The following PCDH15 variants were observed in gnomAD, a reference collection of about 807,000 sequenced individuals.
PCDH15 encodes the protein protocadherin related 15.
Under a neutral mutation model 178.5 loss-of-function variants are expected in PCDH15, and 129 were observed. The ratio of observed to expected loss-of-function variants is 0.72; its 90% confidence interval spans 0.63 to 0.84. PCDH15 has a LOEUF of 0.84. Among genes scored for constraint, PCDH15 ranks in the 40% least tolerant of loss-of-function variants. The probability of loss-of-function intolerance (pLI) is 0.00; values close to 1 mark genes in which losing one functional copy is unlikely to be tolerated. For missense variants in PCDH15, 2,230 were observed against 2,099.9 expected, an observed-to-expected ratio of 1.06 and a Z score of -1.21; for synonymous variants, 800 against 732.0, an observed-to-expected ratio of 1.09 and a Z score of -1.50.
intron 8 of PCDH15, among the ~76,000 whole-genome samples, chr10:54,251,452 G>A (rs1184848163): frequency 6.6e-6 from 1 of 152,038 alleles, no homozygotes; most frequent in Non-Finnish European, 1.5e-5. Flanking sequence ...ATTTTTATCT[G>A]GCTCTCTGAT....
intron 2 of PCDH15, among the ~76,000 whole-genome samples, chr10:55,626,228 T>C (rs1346414278): frequency 3.3e-5 from 5 of 152,116 alleles, no homozygotes; most frequent in African/African-American, 9.7e-5. Flanking sequence ...GCAGTTCAAG[T>C]TCCAGATTCC....
At chr10:54,964,520 C>T (rs1384173838) in intron 2 of PCDH15, among the ~76,000 whole-genome samples, 2 of 152,170 alleles carry the variant, frequency 1.3e-5, no homozygotes, top group African/African-American at 2.4e-5. Flanking sequence ...GTGCTCATTA[C>T]TGGAGTACAT....
chr10:53,875,850 T>C (rs1272284685), intron 26 of PCDH15, among the ~76,000 whole-genome samples: 1 of 152,166 alleles, frequency 6.6e-6, no homozygotes, highest in Non-Finnish European at 1.5e-5. Context: ...AATTTTCTAA[T>C]AGCCTAAATA....
rs189678076 is a variant in PCDH15 at position 54,358,526 on chromosome 10, G to T, written c.474+10594C>A. ...TCAGGGAACAACAAATGCTGGAGAG[G>T]ATGTGGAGAAATAGGAACACTTTTA... On this transcript the variant is annotated intron_variant, in intron 5 of 37. Coordinates refer to ENST00000644397, the MANE Select transcript of PCDH15 (RefSeq NM_001384140.1). 9.9e-4 allele frequency among the ~76,000 whole-genome samples: 150 copies of T among 152,250 alleles called. 2 individuals carry two copies. The East Asian group carries it at 0.021, about 21-fold the overall frequency.
intron 1 of PCDH15, among the ~76,000 whole-genome samples, chr10:54,673,701 G>A (rs533482700): frequency 6.6e-6 from 1 of 152,256 alleles, no homozygotes; most frequent in South Asian, 2.1e-4. Flanking sequence ...GCCTCCCAAA[G>A]TGCTAGGATT....
chr10:54,422,129 C>T (rs1163190224), intron 3 of PCDH15, among the ~76,000 whole-genome samples: 5 of 151,190 alleles, frequency 3.3e-5, no homozygotes, highest in Admixed American at 6.6e-5. Context: ...TGAGATTTGC[C>T]GAGGTCATTT....
intron 37 of PCDH15, among the ~76,000 whole-genome samples, chr10:53,807,810 AGC>A (rs1841298903): frequency 2.0e-5 from 3 of 152,132 alleles, no homozygotes; most frequent in Non-Finnish European, 4.4e-5. Context: ...CAAAACTGAA[AGC>A]TAATTATTAT....
intron 2 of PCDH15, among the ~76,000 whole-genome samples, chr10:55,012,384 A>C (rs2131944431): frequency 6.6e-6 from 1 of 152,228 alleles, no homozygotes; most frequent in East Asian, 1.9e-4. Context: ...AAAATGATAA[A>C]GATCTGTTTT....
At chr10:54,986,173 G>C (rs1839358375) in intron 2 of PCDH15, among the ~76,000 whole-genome samples, 1 of 152,044 alleles carries the variant, frequency 6.6e-6, no homozygotes, top group Admixed American at 6.6e-5. Flanking sequence ...CCTAGCTAAA[G>C]AAGGGCATCA....
intron 14 of PCDH15, among the ~76,000 whole-genome samples, chr10:54,144,972 A>G (rs2043768426): frequency 6.6e-6 from 1 of 152,164 alleles, no homozygotes; most frequent in Non-Finnish European, 1.5e-5. Flanking sequence ...ATGTGTGAAT[A>G]TAAAACATTT....
chr10:55,168,905 A>T, intron 1 of PCDH15, among the ~76,000 whole-genome samples: 1 of 152,284 alleles, frequency 6.6e-6, no homozygotes, highest in Admixed American at 6.5e-5. Context: ...GTTATAAATT[A>T]GATCTTAAAT....
intron 2 of PCDH15, among the ~76,000 whole-genome samples, chr10:54,597,103 A>T (rs988719662): frequency 9.9e-5 from 15 of 152,264 alleles, no homozygotes; most frequent in African/African-American, 3.4e-4. Context: ...TTGAGCTGTG[A>T]AACAGCTACA....
At chr10:55,512,626 T>C (rs1298689057) in intron 2 of PCDH15, among the ~76,000 whole-genome samples, 1 of 152,052 alleles carries the variant, frequency 6.6e-6, no homozygotes, top group Non-Finnish European at 1.5e-5. Context: ...TTAAGAACCT[T>C]GGCACCTTTT....
intron 2 of PCDH15, among the ~76,000 whole-genome samples, chr10:54,935,095 G>C (rs975007178): frequency 2.7e-5 from 4 of 149,696 alleles, no homozygotes; most frequent in Non-Finnish European, 1.5e-5. Flanking sequence ...TGTGGGGAGG[G>C]GGGAGGGATA....
chr10:55,184,960 T>C (rs1432598132), intron 1 of PCDH15, among the ~76,000 whole-genome samples: 2 of 151,852 alleles, frequency 1.3e-5, no homozygotes, highest in Admixed American at 6.6e-5. Context: ...AAAGTAAACA[T>C]TTTAGAAGTT....
At chr10:54,112,649 G>A (rs1045363281) in intron 15 of PCDH15, among the ~76,000 whole-genome samples, 6 of 152,118 alleles carry the variant, frequency 3.9e-5, no homozygotes, top group Admixed American at 3.9e-4. Context: ...TTTTCAGGCA[G>A]GTGGAGACAT....
At chr10:54,413,796 CTTTCTG>C (rs1192390909) in intron 3 of PCDH15, among the ~76,000 whole-genome samples, 1 of 152,046 alleles carries the variant, frequency 6.6e-6, no homozygotes, top group East Asian at 1.9e-4. Flanking sequence ...CGGTATTAGA[CTTTCTG>C]TTTCTGAGTT....
intron 3 of PCDH15, among the ~76,000 whole-genome samples, chr10:54,891,841 G>T (rs1235317739): frequency 2.0e-5 from 3 of 152,042 alleles, no homozygotes; most frequent in Non-Finnish European, 4.4e-5. Flanking sequence ...CAGCCAGCAG[G>T]ATTCAAATTC....
At chr10:54,706,205 A>G (rs549566592) in intron 1 of PCDH15, among the ~76,000 whole-genome samples, 15 of 152,356 alleles carry the variant, frequency 9.8e-5, no homozygotes, top group African/African-American at 3.4e-4. Flanking sequence ...TTTTCATGAT[A>G]GTATGGCTGA....
Sources: gnomAD v4.1 joint callset for allele counts (sites outside exome capture counted in the v4.1 genomes callset) on GRCh38, gnomAD v4.1.1 for gene constraint, MANE v1.5 for transcripts, NCBI Gene and HGNC (gene_info 2026-07-23, HGNC 2026-07-21) for gene names.